DACH2: variants seen among roughly 807,000 people sequenced by gnomAD.
DACH2 encodes the protein dachshund family transcription factor 2.
DACH2 carries 17 observed loss-of-function variants against 35.8 expected under a neutral mutation model. The ratio of observed to expected loss-of-function variants is 0.48; its 90% CI spans 0.33 to 0.71. The LOEUF is 0.71. Among genes scored for constraint, DACH2 ranks in the 30% least tolerant of loss-of-function variants. The pLI is 0.02. For missense variants in DACH2, 469 were observed against 472.7 expected (o/e 0.99, Z 0.07); for synonymous variants, 195 against 177.3 (o/e 1.10, Z -0.79).
chrX:86,521,519 C>T (rs1209660630), intron 3 of DACH2, among the ~76,000 whole-genome samples: 2 of 111,768 alleles, frequency 1.8e-5, no homozygotes, highest in Non-Finnish European at 3.8e-5. Context: ...CTGTCATACT[C>T]CTTGGATTCA....
rs146493329 is a variant in DACH2 at position 86,583,404 on chromosome X, G to A, written c.641-67632G>A. On this transcript the variant is annotated intron_variant, in intron 3 of 11. Transcript: ENST00000373125. ...AAAAAATTGAAAGGCATCGAAATAG[G>A]TAGAGCAGAAGTCAAAGTATCTCTG... is the stretch of plus-strand genomic sequence containing the variant. Among the ~76,000 whole-genome samples, 182 of 110,908 alleles carry A rather than the reference G, an allele frequency of 1.6e-3. 1 individual carries two copies. The highest frequency in any genetic ancestry group is 5.7e-3 in the African/African-American group (175 of 30,652).
intron 2 of DACH2, among the ~76,000 whole-genome samples, chrX:86,477,450 G>C (rs1456538626): frequency 9.7e-6 from 1 of 103,347 alleles, no homozygotes; most frequent in Non-Finnish European, 2.0e-5. Context: ...GTTTTGTCTT[G>C]AAATCGATTT....
intron 7 of DACH2, among the ~76,000 whole-genome samples, chrX:86,760,657 A>C (rs2041871399): frequency 9.0e-6 from 1 of 111,163 alleles, no homozygotes; most frequent in African/African-American, 3.3e-5. Context: ...TATCTCACTG[A>C]GCTTCTTTAA....
intron 1 of DACH2, among the ~76,000 whole-genome samples, chrX:86,181,528 T>C (rs1255483497): frequency 8.9e-6 from 1 of 111,861 alleles, no homozygotes; most frequent in African/African-American, 3.3e-5. Context: ...TCCTTTTTTA[T>C]GGCTGCATAG....
At chrX:86,395,483 C>A (rs983679657) in intron 2 of DACH2, among the ~76,000 whole-genome samples, 1 of 110,689 alleles carries the variant, frequency 9.0e-6, no homozygotes, top group Middle Eastern at 4.7e-3. Flanking sequence ...GTGTGCTGCA[C>A]CCATTAACTC....
intron 2 of DACH2, among the ~76,000 whole-genome samples, chrX:86,389,210 A>G (rs1022087721): frequency 1.8e-5 from 2 of 111,866 alleles, no homozygotes; most frequent in Admixed American, 1.9e-4. Flanking sequence ...ATAGATGGAC[A>G]CTCTTGCAAG....
intron 6 of DACH2, among the ~76,000 whole-genome samples, chrX:86,719,491 A>G (rs1341220172): frequency 9.0e-6 from 1 of 111,343 alleles, no homozygotes; most frequent in African/African-American, 3.3e-5. Flanking sequence ...GTATTAGTTC[A>G]TTCTCAAGCT....
intron 2 of DACH2, among the ~76,000 whole-genome samples, chrX:86,506,481 A>G (rs184172536): frequency 4.5e-5 from 5 of 111,197 alleles, no homozygotes; most frequent in Admixed American, 1.9e-4. Context: ...GCAACCTCAA[A>G]CTCCTAGGCT....
rs758008261 is a variant in DACH2 at position 86,799,802 on chromosome X, T to C, written c.1241-13054T>C. Among the ~76,000 whole-genome samples, 77 of 112,168 alleles carry C rather than the reference T, an allele frequency of 6.9e-4. 1 individual carries two copies. Among genetic ancestry groups the C allele is most frequent in the Admixed American group, 2.9e-3 (31 of 10,558 alleles). On this transcript the variant is annotated intron_variant, in intron 7 of 11. Coordinates refer to ENST00000373125, the MANE Select transcript of DACH2 (RefSeq NM_053281.3). ...AATCCTGGAATCAATGTATATTCAGTGCACTTCTTTTTCTTGAACATTCCA... is the reference window on the plus strand; with the variant it reads ...AATCCTGGAATCAATGTATATTCAGCGCACTTCTTTTTCTTGAACATTCCA...
intron 1 of DACH2, among the ~76,000 whole-genome samples, chrX:86,168,386 A>G (rs1602249534): frequency 9.0e-6 from 1 of 111,143 alleles, no homozygotes; most frequent in Admixed American, 9.6e-5. Flanking sequence ...ATTGACATGG[A>G]ATATTTTTTC....
intron 3 of DACH2, among the ~76,000 whole-genome samples, chrX:86,637,609 C>A (rs933591755): frequency 9.0e-6 from 1 of 111,599 alleles, no homozygotes; most frequent in Non-Finnish European, 1.9e-5. Context: ...TTATCCTTAG[C>A]AAACTAATGC....
chrX:86,788,056 G>T (rs1346596598), intron 7 of DACH2, among the ~76,000 whole-genome samples: 1 of 111,027 alleles, frequency 9.0e-6, no homozygotes, highest in Non-Finnish European at 1.9e-5. Flanking sequence ...CCCTTGCGGT[G>T]GGCTGTCTGC....
rs190849058 is a variant in DACH2 at position 86,306,046 on chromosome X, A to G, written c.489-70778A>G. Among the ~76,000 whole-genome samples, 221 of 112,259 alleles carry G rather than the reference A, an allele frequency of 2.0e-3. 1 individual carries two copies. Among genetic ancestry groups the G allele is most frequent in the African/African-American group, 6.9e-3 (214 of 31,006 alleles). Reference sequence around the variant, plus strand: ...ATGGGAAATACTATGGAGGTTTCTCAAAAAATGAAAATTAGAACTACATAT... The same window carrying G: ...ATGGGAAATACTATGGAGGTTTCTCGAAAAATGAAAATTAGAACTACATAT... On this transcript the variant is annotated intron_variant, in intron 1 of 11. Coordinates refer to ENST00000373125, the MANE Select transcript of DACH2 (RefSeq NM_053281.3).
intron 6 of DACH2, among the ~76,000 whole-genome samples, chrX:86,718,135 A>G (rs901077240): frequency 9.0e-6 from 1 of 111,162 alleles, no homozygotes; most frequent in African/African-American, 3.3e-5. Flanking sequence ...GTGCATAAGC[A>G]TTATGTTTTC....
intron 1 of DACH2, among the ~76,000 whole-genome samples, chrX:86,285,446 C>T (rs567012254): frequency 9.9e-5 from 11 of 111,333 alleles, no homozygotes; most frequent in Admixed American, 3.8e-4. Context: ...GATTTAGAAG[C>T]ATATGGTTTA....
intron 1 of DACH2, among the ~76,000 whole-genome samples, chrX:86,208,305 A>G (rs2032365674): frequency 9.0e-6 from 1 of 111,009 alleles, no homozygotes; most frequent in Non-Finnish European, 1.9e-5. Flanking sequence ...TTATCATCAC[A>G]TGGCCATTAT....
intron 2 of DACH2, among the ~76,000 whole-genome samples, chrX:86,476,291 C>T (rs1166326182): frequency 9.0e-6 from 1 of 111,682 alleles, no homozygotes; most frequent in Non-Finnish European, 1.9e-5. Flanking sequence ...AGCAGTGAAG[C>T]CATCAGGTCC....
intron 1 of DACH2, among the ~76,000 whole-genome samples, chrX:86,176,064 T>C (rs1301558552): frequency 9.0e-6 from 1 of 111,278 alleles, no homozygotes; most frequent in African/African-American, 3.3e-5. Flanking sequence ...AGTAGGCAAA[T>C]AATAGTATTT....
intron 1 of DACH2, among the ~76,000 whole-genome samples, chrX:86,323,868 C>T (rs2148039700): frequency 8.9e-6 from 1 of 112,234 alleles, no homozygotes; most frequent in East Asian, 2.8e-4. Flanking sequence ...CGGTGGCTAG[C>T]CCTCATGGCT....
Sources: allele counts gnomAD v4.1 joint callset (sites outside exome capture counted in the v4.1 genomes callset), GRCh38; gene constraint gnomAD v4.1.1; transcripts MANE v1.5; gene names NCBI Gene and HGNC (gene_info 2026-07-23, HGNC 2026-07-21).